ZNF804A: variants seen among roughly 807,000 people sequenced by gnomAD.
The protein encoded by ZNF804A is zinc finger protein 804A.
Under a neutral mutation model 16.5 loss-of-function variants are expected in ZNF804A, and 2 were observed. The observed-to-expected ratio is 0.12, with a 90% CI of 0.05 to 0.38. The LOEUF is 0.38. Ranked by LOEUF, ZNF804A falls within the 10% of genes least tolerant of loss-of-function variation. The probability of loss-of-function intolerance (pLI) is 0.99; values close to 1 mark genes in which losing one functional copy is unlikely to be tolerated. For missense variants in ZNF804A, 1,473 were observed against 1,390.7 expected (o/e 1.06, Z -0.94); for synonymous variants, 534 against 489.6 (o/e 1.09, Z -1.20).
chr2:184,667,809 T>A (rs2105710339), intron 1 of ZNF804A, among the ~76,000 whole-genome samples: 1 of 151,984 alleles, frequency 6.6e-6, no homozygotes, highest in Admixed American at 6.6e-5. Flanking sequence ...AAAATAAATC[T>A]TTTTGTGTGA....
At chr2:184,813,810 C>T (rs1308453884) in intron 1 of ZNF804A, among the ~76,000 whole-genome samples, 2 of 151,742 alleles carry the variant, frequency 1.3e-5, no homozygotes, top group Non-Finnish European at 2.9e-5. Context: ...TATGGTTCAC[C>T]AAACATACCT....
At chr2:184,698,067 G>A (rs1165206007) in intron 1 of ZNF804A, among the ~76,000 whole-genome samples, 4 of 152,024 alleles carry the variant, frequency 2.6e-5, no homozygotes, top group Non-Finnish European at 4.4e-5. Context: ...TTTAATTTGA[G>A]TCTATTCAGT....
At chr2:184,908,319 C>T (rs1307408688) in intron 2 of ZNF804A, among the ~76,000 whole-genome samples, 1 of 151,992 alleles carries the variant, frequency 6.6e-6, no homozygotes, top group Non-Finnish European at 1.5e-5. Context: ...TTTTTTCTCC[C>T]CCACCTCAAG....
Position 184,599,076 on chromosome 2 carries a change from C to T in ZNF804A, c.111+6C>T. ...AGAACGGGAACAAAACTCTGGTAAT[C>T]GCTTCTGTTTTCCTCTCTCTCTCTC... On this transcript the variant is annotated splice_donor_region_variant and intron_variant, in intron 1 of 3. Transcript: ENST00000302277. 7 of 1,590,238 alleles carry T rather than the reference C, an allele frequency of 4.4e-6. No homozygotes were observed. The highest frequency in any genetic ancestry group is 6.0e-6 in the Non-Finnish European group (7 of 1,162,942).
intron 1 of ZNF804A, among the ~76,000 whole-genome samples, chr2:184,737,401 G>T (rs1693643409): frequency 6.6e-6 from 1 of 151,992 alleles, no homozygotes; most frequent in Admixed American, 6.6e-5. Context: ...TCATGAAATA[G>T]TGTTGAACTT....
At position 184,939,281 on chromosome 2, in the gene ZNF804A, A is replaced by T. The variant is rs1685856169; in HGVS notation, c.*255A>T. 2.7e-6 allele frequency: 1 copy of T among 375,064 alleles called. No individual in the cohort carries two copies. The highest frequency in any genetic ancestry group is 5.5e-5 in the South Asian group (1 of 18,140). 23.2% of individuals were successfully genotyped at this position (375,064 alleles called of 1,614,324 possible). A position where few individuals can be genotyped will look rare whatever the true frequency, so the allele number is the denominator to read the frequency against. On this transcript the variant is annotated 3_prime_UTR_variant, in exon 4 of 4. Transcript: ENST00000302277. ...TGCTATATATTAAAATGATGTCTTA[A>T]GAGTATGTATAATGTACATAAAATA... is the stretch of plus-strand genomic sequence containing the variant.
intron 1 of ZNF804A, among the ~76,000 whole-genome samples, chr2:184,819,575 G>A (rs148418698): frequency 6.6e-5 from 10 of 151,656 alleles, no homozygotes; most frequent in African/African-American, 2.4e-4. Context: ...AGATCAGAGT[G>A]AAGCTGGAGG....
chr2:184,602,406 T>C (rs1378835877), intron 1 of ZNF804A, among the ~76,000 whole-genome samples: 1 of 151,950 alleles, frequency 6.6e-6, no homozygotes, highest in Non-Finnish European at 1.5e-5. Context: ...GGATAAGTTA[T>C]AGGGCTTAAC....
At chr2:184,791,453 A>G (rs549597934) in intron 1 of ZNF804A, among the ~76,000 whole-genome samples, 1 of 152,156 alleles carries the variant, frequency 6.6e-6, no homozygotes, top group South Asian at 2.1e-4. Context: ...CTTGGCTAGT[A>G]TTTTTTCTTA....
intron 1 of ZNF804A, among the ~76,000 whole-genome samples, chr2:184,769,192 CT>C (rs1694175243): frequency 6.6e-6 from 1 of 152,064 alleles, no homozygotes. Context: ...TAATTGCACA[CT>C]TTCTCTTGGC....
chr2:184,637,686 T>G (rs1046792836), intron 1 of ZNF804A, among the ~76,000 whole-genome samples: 2 of 23,194 alleles, frequency 8.6e-5, no homozygotes, highest in Admixed American at 5.3e-4. Context: ...ATTTAGAAAA[T>G]AGCTTTTTAA....
At chr2:184,871,182 C>G (rs553295290) in intron 2 of ZNF804A, among the ~76,000 whole-genome samples, 2 of 151,784 alleles carry the variant, frequency 1.3e-5, no homozygotes, top group South Asian at 4.2e-4. Flanking sequence ...CAAAGAGCCC[C>G]TGCTACCAAC....
intron 1 of ZNF804A, among the ~76,000 whole-genome samples, chr2:184,713,964 G>A (rs566533121): frequency 2.6e-5 from 4 of 152,040 alleles, no homozygotes; most frequent in African/African-American, 9.6e-5. Flanking sequence ...GCAACATGAA[G>A]AGATTTATTA....
At chr2:184,724,113 T>C (rs1693364655) in intron 1 of ZNF804A, among the ~76,000 whole-genome samples, 1 of 151,672 alleles carries the variant, frequency 6.6e-6, no homozygotes, top group South Asian at 2.1e-4. Context: ...CTAGCACTCA[T>C]ATGTGAATTA....
intron 1 of ZNF804A, among the ~76,000 whole-genome samples, chr2:184,741,096 C>T (rs1016343652): frequency 2.0e-5 from 3 of 152,100 alleles, no homozygotes; most frequent in African/African-American, 4.8e-5. Context: ...CCAAGACCAC[C>T]GCTTGTGACA....
At chr2:184,849,360 TGGGGAAATGACA>T (rs1695568234) in intron 1 of ZNF804A, among the ~76,000 whole-genome samples, 1 of 151,932 alleles carries the variant, frequency 6.6e-6, no homozygotes, top group Admixed American at 6.6e-5. Flanking sequence ...AAGCAAACTT[TGGGGAAATGACA>T]GTCTCTTAAG....
chr2:184,718,042 TG>T (rs928093889), intron 1 of ZNF804A, among the ~76,000 whole-genome samples: 13 of 152,126 alleles, frequency 8.5e-5, no homozygotes, highest in Non-Finnish European at 1.9e-4. Context: ...AAGATATACC[TG>T]GGACTGAGCA....
At chr2:184,737,380 T>A (rs1693643169) in intron 1 of ZNF804A, among the ~76,000 whole-genome samples, 1 of 152,258 alleles carries the variant, frequency 6.6e-6, no homozygotes, top group African/African-American at 2.4e-5. Context: ...CTTTTTAAGC[T>A]ATTTTTAAAA....
chr2:184,666,000 C>T (rs1484084743), intron 1 of ZNF804A, among the ~76,000 whole-genome samples: 2 of 152,108 alleles, frequency 1.3e-5, no homozygotes, highest in Admixed American at 6.6e-5. Context: ...TAATATCAAC[C>T]AATTAAATTT....
Sources: gnomAD v4.1 joint callset for allele counts (sites outside exome capture counted in the v4.1 genomes callset) on GRCh38, gnomAD v4.1.1 for gene constraint, MANE v1.5 for transcripts, NCBI Gene and HGNC (gene_info 2026-07-23, HGNC 2026-07-21) for gene names.